Variants in CACNA2D3 observed in about 807,000 individuals in gnomAD.
CACNA2D3 encodes calcium voltage-gated channel auxiliary subunit alpha2delta 3.
CACNA2D3 carries 60 observed loss-of-function variants against 160.6 expected under a neutral mutation model. That is an observed-to-expected ratio of 0.37 (90% CI 0.30 to 0.46). The LOEUF is 0.46. Among genes scored for constraint, CACNA2D3 ranks in the 20% least tolerant of loss-of-function variants. The pLI is 1.00. For missense variants in CACNA2D3, 1,205 were observed against 1,365.0 expected (o/e 0.88, Z 1.85); for synonymous variants, 558 against 492.9 (o/e 1.13, Z -1.75).
intron 19 of CACNA2D3, 60 bp downstream of exon 19, chr3:54,879,149 G>C (rs1203678058): frequency 8.9e-7 from 1 of 1,122,882 alleles, no homozygotes; most frequent in Non-Finnish European, 1.3e-6. Context: ...TGAAAAATTA[G>C]CTTTGAAAGC....
chr3:54,954,217 GCCT>G (rs1358061803), intron 27 of CACNA2D3, among the ~76,000 whole-genome samples: 1 of 152,126 alleles, frequency 6.6e-6, no homozygotes, highest in African/African-American at 2.4e-5. Flanking sequence ...CAGTGCTATG[GCCT>G]CCTCATTCCA....
intron 13 of CACNA2D3, among the ~76,000 whole-genome samples, chr3:54,782,946 C>T (rs919792112): frequency 4.6e-5 from 7 of 152,140 alleles, no homozygotes; most frequent in African/African-American, 1.7e-4. Context: ...AAACGCACAC[C>T]AGACCCTGTG....
At chr3:54,541,070 T>A (rs9855971) in intron 5 of CACNA2D3, among the ~76,000 whole-genome samples, 7 of 151,442 alleles carry the variant, frequency 4.6e-5, no homozygotes, top group African/African-American at 1.5e-4. Context: ...GAGGTCAGGA[T>A]ATTGAGACCA....
chr3:54,462,468 G>T (rs1211228206), intron 4 of CACNA2D3, among the ~76,000 whole-genome samples: 1 of 152,106 alleles, frequency 6.6e-6, no homozygotes, highest in Non-Finnish European at 1.5e-5. Context: ...CCTGTATTGG[G>T]GGCATATATA....
intron 2 of CACNA2D3, among the ~76,000 whole-genome samples, chr3:54,155,320 T>G (rs1700227066): frequency 1.3e-5 from 2 of 152,122 alleles, no homozygotes; most frequent in Non-Finnish European, 1.5e-5. Context: ...CCATCCTGAA[T>G]CTCCACTCAA....
At chr3:54,555,015 C>T (rs1337268876) in intron 5 of CACNA2D3, among the ~76,000 whole-genome samples, 1 of 151,578 alleles carries the variant, frequency 6.6e-6, no homozygotes, top group Non-Finnish European at 1.5e-5. Context: ...GCTGGGATTA[C>T]AGGAGCACAC....
chr3:54,606,177 C>G (rs1206424405), intron 9 of CACNA2D3, among the ~76,000 whole-genome samples: 2 of 151,928 alleles, frequency 1.3e-5, no homozygotes, highest in Non-Finnish European at 2.9e-5. Flanking sequence ...TTATGAATCA[C>G]ATAATAACAA....
chr3:54,675,534 C>T (rs1000750474), intron 11 of CACNA2D3, among the ~76,000 whole-genome samples: 3 of 152,108 alleles, frequency 2.0e-5, no homozygotes, highest in African/African-American at 7.2e-5. Context: ...CATCTTCTCT[C>T]CCTGAAGTTC....
intron 2 of CACNA2D3, among the ~76,000 whole-genome samples, chr3:54,287,042 A>G (rs1451821068): frequency 6.6e-6 from 1 of 152,050 alleles, no homozygotes; most frequent in African/African-American, 2.4e-5. Context: ...TCACCAGCTA[A>G]CATCATAAGG....
At chr3:54,749,187 C>G (rs1250864507) in intron 11 of CACNA2D3, among the ~76,000 whole-genome samples, 1 of 152,132 alleles carries the variant, frequency 6.6e-6, no homozygotes, top group Non-Finnish European at 1.5e-5. Context: ...TATGAGGCCA[C>G]TTTTAGAAAA....
At chr3:54,924,494 G>A (rs540703499) in intron 27 of CACNA2D3, 11 of 742,634 alleles carry the variant, frequency 1.5e-5, no homozygotes, top group Admixed American at 7.2e-5. Context: ...AAATGGCACC[G>A]ATGTGTAAAA....
At chr3:54,468,741 G>A (rs1019732737) in intron 4 of CACNA2D3, among the ~76,000 whole-genome samples, 1 of 152,152 alleles carries the variant, frequency 6.6e-6, no homozygotes, top group Non-Finnish European at 1.5e-5. Flanking sequence ...AGCTTGGTGG[G>A]GGGAGGTGCG....
chr3:54,904,097 C>T (rs181610242), intron 27 of CACNA2D3, among the ~76,000 whole-genome samples: 9 of 152,332 alleles, frequency 5.9e-5, no homozygotes, highest in Admixed American at 5.9e-4. Context: ...AGCCTTCGTG[C>T]TGTGTCATGT....
intron 3 of CACNA2D3, among the ~76,000 whole-genome samples, chr3:54,344,312 G>C (rs768530130): frequency 6.6e-6 from 1 of 152,152 alleles, no homozygotes; most frequent in African/African-American, 2.4e-5. Flanking sequence ...TTTGAAGGCA[G>C]AGCAGTATGT....
At chr3:54,635,499 GT>G (rs1243002841) in intron 10 of CACNA2D3, among the ~76,000 whole-genome samples, 2 of 151,438 alleles carry the variant, frequency 1.3e-5, no homozygotes, top group Admixed American at 6.6e-5. Flanking sequence ...GGGATGACAA[GT>G]TTTTTTGGGG....
chr3:54,986,100 G>GGCAACAGAAGACTA (rs1156786222), intron 30 of CACNA2D3, among the ~76,000 whole-genome samples: 4 of 152,162 alleles, frequency 2.6e-5, no homozygotes, highest in Non-Finnish European at 5.9e-5. Context: ...TTGCCTAGAG[G>GGCAACAGAAGACTA]GAGGAGCTCT....
At position 54,764,321 on chromosome 3, in the gene CACNA2D3, G is replaced by T; in HGVS notation, c.1350G>T (p.Val450=). The change falls in exon 13 of 38, where the codon GTG becomes GTT. Residue 450 remains valine (V), a synonymous_variant. Transcript: ENST00000474759. ...AAGTCATCGACCAGGAGCATGATGTGGTGTGGACCGAAGCTTACATTGACA... is the reference window on the plus strand; with the variant it reads ...AAGTCATCGACCAGGAGCATGATGTTGTGTGGACCGAAGCTTACATTGACA... ...RPKVIDQEHD[V]VWTEAYIDST... 1 of 1,613,818 alleles carries T rather than the reference G, an allele frequency of 6.2e-7. No homozygotes were observed. Among genetic ancestry groups the T allele is most frequent in the Non-Finnish European group, 8.5e-7 (1 of 1,179,816 alleles).
chr3:54,132,576 G>C (rs1576947339), intron 2 of CACNA2D3, among the ~76,000 whole-genome samples: 1 of 152,184 alleles, frequency 6.6e-6, no homozygotes, highest in African/African-American at 2.4e-5. Context: ...GGGAATTTCA[G>C]AATTATAGAG....
intron 2 of CACNA2D3, among the ~76,000 whole-genome samples, chr3:54,252,380 A>G (rs1702210111): frequency 6.6e-6 from 1 of 152,196 alleles, no homozygotes; most frequent in African/African-American, 2.4e-5. Flanking sequence ...GCATGGGATC[A>G]GTTGTGTCTC....
Sources: allele counts gnomAD v4.1 joint callset (sites outside exome capture counted in the v4.1 genomes callset), GRCh38; gene constraint gnomAD v4.1.1; transcripts MANE v1.5; gene names NCBI Gene and HGNC (gene_info 2026-07-23, HGNC 2026-07-21).